HGD: variants seen among roughly 807,000 people sequenced by gnomAD.
HGD encodes homogentisate oxidase.
In HGD, 61 loss-of-function variants were observed where a neutral mutation model predicts 60.8. That is an observed-to-expected ratio of 1.00 (90% confidence interval 0.82 to 1.24). HGD has a LOEUF of 1.24. Ranked by LOEUF, HGD falls within the 50% of genes most tolerant of loss-of-function variation. The pLI is 0.00. For synonymous variants in HGD, 212 were observed against 187.7 expected (o/e 1.13, Z -1.06); for missense variants, 542 against 547.1 (o/e 0.99, Z 0.09).
At chr3:120,670,581 A>T in intron 3 of HGD, 49 bp from the exon 4 acceptor site, 12 of 1,037,822 alleles carry the variant, frequency 1.2e-5, no homozygotes, top group Non-Finnish European at 1.8e-5. Flanking sequence ...TAATGTTCTG[A>T]GTGATACACA....
intron 4 of HGD, among the ~76,000 whole-genome samples, chr3:120,665,668 G>T (rs1707883126): frequency 6.6e-6 from 1 of 152,230 alleles, no homozygotes; most frequent in South Asian, 2.1e-4. Flanking sequence ...AGGGGGAGCA[G>T]CCCCCAGTCT....
In HGD at chr3:120,674,931, A is replaced by G; in HGVS notation, c.146T>C (p.Phe49Ser). Residue 49 changes from phenylalanine to serine, a missense_variant, in exon 3 of 14, where the codon TTC becomes TCC. Phe to Ser is a radical substitution (Grantham distance 155). Coordinates refer to ENST00000283871, the MANE Select transcript of HGD (RefSeq NM_000187.4). ...LYAEQLSGSA[F>S]TCPRSTNKRS... Reference sequence around the variant, plus strand: ...CTTATTGGTGCTCCGTGGACAAGTGAAAGCCGATCCTGAGAGCTGCTCAGC... The same window carrying G: ...CTTATTGGTGCTCCGTGGACAAGTGGAAGCCGATCCTGAGAGCTGCTCAGC... 1 of 1,611,794 alleles carries G rather than the reference A, an allele frequency of 6.2e-7. No individual in the cohort carries two copies.
Position 120,641,573 on chromosome 3 carries a change from C to A in HGD, c.879+16G>T. 6.4e-7 allele frequency: 1 copy of A among 1,564,094 alleles called. No homozygotes were observed. The highest frequency in any genetic ancestry group is 8.8e-7 in the Non-Finnish European group (1 of 1,134,546). ...GCGTTGCCTCATCCCAAGGCCCCTACAGGGTTCAGACTTACTGCATGGTCA... is the reference window on the plus strand; with the variant it reads ...GCGTTGCCTCATCCCAAGGCCCCTAAAGGGTTCAGACTTACTGCATGGTCA... On this transcript the variant is annotated intron_variant, in intron 11 of 13. Transcript: ENST00000283871.
intron 4 of HGD, among the ~76,000 whole-genome samples, chr3:120,661,403 T>C (rs1707763858): frequency 6.6e-6 from 1 of 152,258 alleles, no homozygotes; most frequent in South Asian, 2.1e-4. Context: ...ACAGTATTTA[T>C]TGAACCTCTC....
chr3:120,658,877 C>T (rs534536331), intron 4 of HGD, among the ~76,000 whole-genome samples: 19 of 152,338 alleles, frequency 1.2e-4, no homozygotes, highest in South Asian at 6.2e-4. Flanking sequence ...CCCTTTGAAG[C>T]GGTGCTTGGA....
intron 2 of HGD, 150 bp downstream of exon 2, chr3:120,675,642 G>C (rs1317711201): frequency 1.0e-5 from 7 of 694,320 alleles, no homozygotes; most frequent in Non-Finnish European, 1.9e-5. Context: ...TCATTGCTCT[G>C]TATCTTCATT....
chr3:120,641,608 G>GAGTT lies in HGD; in HGVS notation c.856_859dup (p.Ser287Ter). Reference sequence around the variant, plus strand: ...ACTTACTGCATGGTCAAAGGCCACTGAGTTGATAACCATGAAATTCTTCAG... The same window carrying GAGTT: ...ACTTACTGCATGGTCAAAGGCCACTGAGTTAGTTGATAACCATGAAATTCTTCAG... On this transcript the variant is annotated stop_gained and frameshift_variant, in exon 11 of 14. Coordinates refer to ENST00000283871, the MANE Select transcript of HGD (RefSeq NM_000187.4). LOFTEE classifies it high-confidence loss of function. 1 of 1,613,280 alleles carries GAGTT rather than the reference G, an allele frequency of 6.2e-7. No individual in the cohort carries two copies. Among genetic ancestry groups the GAGTT allele is most frequent in the African/African-American group, 1.3e-5 (1 of 75,020 alleles).
chr3:120,682,101 A>T lies in HGD; in HGVS notation c.11T>A (p.Leu4Ter), dbSNP rs786204422. 2.5e-6 allele frequency: 4 copies of T among 1,613,882 alleles called. No individual in the cohort carries two copies. Among genetic ancestry groups the T allele is most frequent in the Non-Finnish European group, 2.5e-6 (3 of 1,179,902 alleles). Residue 4 changes from leucine to a stop codon, truncating the protein, a stop_gained, in exon 1 of 14, where the codon TTA (leucine) becomes TAA (stop). Transcript: ENST00000283871. LOFTEE classifies it high-confidence loss of function. MAE[L>*]KYISGFGNEC... is the part of the protein sequence containing the mutation. ...ACTTGTCAGATGGTTTCTTACCTTT[A>T]ACTCAGCCATTTTCTCTCTCCTCTA...
intron 5 of HGD, among the ~76,000 whole-genome samples, 164 bp downstream of exon 5, chr3:120,652,424 TGTAA>T (rs1405828525): frequency 6.6e-6 from 1 of 152,168 alleles, no homozygotes; most frequent in Non-Finnish European, 1.5e-5. Flanking sequence ...ATATGGTTTC[TGTAA>T]GTAAGACATC....
chr3:120,674,983 G>T lies in HGD; in HGVS notation c.94C>A (p.Pro32Thr). Residue 32 changes from proline to threonine, a missense_variant, in exon 3 of 14, where the codon CCT becomes ACT. Coordinates refer to ENST00000283871, the MANE Select transcript of HGD (RefSeq NM_000187.4). ...TAGAGATTGTAGGGGCAGACCTGAG[G>T]ATTATTCTGAAACAAAGGATGCAAT... ...PGSLPEGQNN[P>T]QVCPYNLYAE... is the part of the protein sequence containing the mutation. 6.2e-7 allele frequency: 1 copy of T among 1,608,448 alleles called. No homozygotes were observed.
chr3:120,678,365 C>T (rs188402065), intron 1 of HGD, among the ~76,000 whole-genome samples: 17 of 152,326 alleles, frequency 1.1e-4, no homozygotes, highest in African/African-American at 4.1e-4. Context: ...CTGGGCATTA[C>T]AGTGCCTTCG....
chr3:120,652,466 G>C (rs1052406430), intron 5 of HGD, 126 bp downstream of exon 5: 1 of 723,940 alleles, frequency 1.4e-6, no homozygotes, highest in African/African-American at 1.7e-5. Context: ...AGCATACGCA[G>C]GTGGTTTTGT....
At position 120,650,849 on chromosome 3, in the gene HGD, C is replaced by T. The variant is rs752153829; in HGVS notation, c.359G>A (p.Cys120Tyr). Residue 120 changes from cysteine (C) to tyrosine (Y), a missense_variant, in exon 6 of 14, where the codon TGT (cysteine) becomes TAT (tyrosine). By Grantham distance (194) the Cys-to-Tyr change is radical. This residue lies in a region of HGD where 537 missense variants were observed against 529.1 expected (regional missense o/e 1.01). Transcript: ENST00000283871. ...GTTAGACTTTATGTCTCCAGCTCCA[C>T]ACAAGGTATGCAGGCCCTGGGAGAG... ...VDFVSGLHTL[C>Y]GAGDIKSNNG... 1 of 1,613,958 alleles carries T rather than the reference C, an allele frequency of 6.2e-7. No individual in the cohort carries two copies. Among genetic ancestry groups the T allele is most frequent in the Non-Finnish European group, 8.5e-7 (1 of 1,179,818 alleles).
At chr3:120,662,616 T>G (rs1039077966) in intron 4 of HGD, among the ~76,000 whole-genome samples, 3 of 152,180 alleles carry the variant, frequency 2.0e-5, no homozygotes, top group Non-Finnish European at 4.4e-5. Flanking sequence ...CCTGATTCAG[T>G]GTAGTGAGCT....
intron 5 of HGD, 49 bp downstream of exon 5, chr3:120,652,543 C>G (rs1368495703): frequency 1.4e-6 from 2 of 1,418,816 alleles, no homozygotes; most frequent in Non-Finnish European, 2.0e-6. Flanking sequence ...GCTCACTCAC[C>G]ACAGAAGAGA....
intron 1 of HGD, among the ~76,000 whole-genome samples, chr3:120,681,287 G>A (rs2236991): frequency 0.14 from 21,028 of 152,250 alleles, 1,696 homozygotes; most frequent in Middle Eastern, 0.23. Flanking sequence ...ACATGCATGC[G>A]TTGAGCATTG....
chr3:120,646,717 C>T (rs1250687018), intron 8 of HGD, among the ~76,000 whole-genome samples: 3 of 151,572 alleles, frequency 2.0e-5, no homozygotes, highest in Admixed American at 2.0e-4. Flanking sequence ...AGGGCCTTAT[C>T]CAGAGTATAT....
chr3:120,675,824 G>A lies in HGD; in HGVS notation c.55C>T (p.Pro19Ser). ...TCTGGCAGGGAACCTGGGCAGCGAGGATCCTCTGAAGAACACTCATTCCCA... is the reference window on the plus strand; with the variant it reads ...TCTGGCAGGGAACCTGGGCAGCGAGAATCCTCTGAAGAACACTCATTCCCA... ...GFGNECSSED[P>S]RCPGSLPEGQ... The change falls in exon 2 of 14, where the codon CCT becomes TCT. Residue 19 changes from proline to serine, a missense_variant. This residue lies in a region of HGD where 537 missense variants were observed against 529.1 expected (regional missense o/e 1.01). Transcript: ENST00000283871. The A allele has an allele frequency of 6.2e-7, 1 of 1,613,608 alleles. No homozygotes were observed. Among genetic ancestry groups the A allele is most frequent in the East Asian group, 2.2e-5 (1 of 44,872 alleles).
At chr3:120,669,062 A>G (rs112660333) in intron 4 of HGD, among the ~76,000 whole-genome samples, 3,464 of 152,302 alleles carry the variant, frequency 0.023, 153 homozygotes, top group African/African-American at 0.079. Context: ...CACTATTACT[A>G]GACCAAAAGG....
Sources: allele counts gnomAD v4.1 joint callset (sites outside exome capture counted in the v4.1 genomes callset), GRCh38; gene constraint gnomAD v4.1.1; regional missense constraint gnomAD v4.1.1; transcripts MANE v1.5; gene names NCBI Gene and HGNC (gene_info 2026-07-23, HGNC 2026-07-21).